The following MAGI1 variants were observed in gnomAD, a reference collection of about 807,000 sequenced individuals.
The protein encoded by MAGI1 is membrane-associated guanylate kinase, WW and PDZ domain-containing protein 1.
A neutral mutation model predicts 139.9 loss-of-function variants in MAGI1; 58 were observed. That is an observed-to-expected ratio of 0.41 (90% CI 0.34 to 0.52). The LOEUF (loss-of-function observed/expected upper bound fraction) is 0.52. Ranked by LOEUF, MAGI1 falls within the 20% of genes least tolerant of loss-of-function variation. The pLI is 0.12. For missense variants in MAGI1, 1,874 were observed against 1,901.6 expected, an observed-to-expected ratio of 0.99 and a Z score of 0.27; for synonymous variants, 812 against 737.9, an observed-to-expected ratio of 1.10 and a Z score of -1.63.
At chr3:65,726,177 A>G (rs1353521456) in intron 1 of MAGI1, among the ~76,000 whole-genome samples, 1 of 152,222 alleles carries the variant, frequency 6.6e-6, no homozygotes, top group Non-Finnish European at 1.5e-5. Context: ...CAGTCTTGTC[A>G]TTGATTAGAT....
chr3:65,816,332 C>T lies in MAGI1; in HGVS notation c.314-194244G>A, dbSNP rs529381341. ...AAAAATTTCCATAATCTGCACTGTC[C>T]AATGTGGTCGCCAATGGCAACAATG... is the stretch of plus-strand genomic sequence containing the variant. On this transcript the variant is annotated intron_variant, in intron 1 of 22. Coordinates refer to ENST00000402939, the MANE Select transcript of MAGI1 (RefSeq NM_001033057.2). 1.2e-3 allele frequency among the ~76,000 whole-genome samples: 178 copies of T among 152,082 alleles called. 1 individual carries two copies. The highest frequency in any genetic ancestry group is 4.6e-3 in the South Asian group (22 of 4,806).
intron 1 of MAGI1, among the ~76,000 whole-genome samples, chr3:66,035,044 T>C (rs932620665): frequency 2.6e-5 from 4 of 152,222 alleles, no homozygotes; most frequent in African/African-American, 4.8e-5. Flanking sequence ...CATTTTACTA[T>C]AGGTAAATGA....
At chr3:65,439,857 A>C (rs934200371) in intron 9 of MAGI1, 22 bp downstream of exon 9, 8 of 1,608,738 alleles carry the variant, frequency 5.0e-6, no homozygotes, top group African/African-American at 1.3e-5. Context: ...ATCAAGAAAA[A>C]GCCTAGAGGA....
chr3:65,500,446 T>C (rs974098210), intron 2 of MAGI1, among the ~76,000 whole-genome samples: 2 of 152,220 alleles, frequency 1.3e-5, no homozygotes, highest in African/African-American at 4.8e-5. Flanking sequence ...TTATGGTTCA[T>C]AAACTTGCAG....
intron 1 of MAGI1, among the ~76,000 whole-genome samples, chr3:66,031,436 G>C (rs147918011): frequency 3.0e-4 from 46 of 152,244 alleles, no homozygotes; most frequent in African/African-American, 1.0e-3. Flanking sequence ...AACCAGCTGG[G>C]TAATGAATGC....
At position 65,762,368 on chromosome 3, in the gene MAGI1, T is replaced by C. The variant is rs894338640; in HGVS notation, c.314-140280A>G. Among the ~76,000 whole-genome samples the C allele has an allele frequency of 4.6e-5, 7 of 152,164 alleles. No homozygotes were observed. In the East Asian group the frequency reaches 1.2e-3, roughly 25 times the overall value. ...TGTAGCAGAGGCGACTTGCAAGGCA[T>C]TAATTCATTCTCCGAACACCAGCCT... On this transcript the variant is annotated intron_variant, in intron 1 of 22. Transcript: ENST00000402939.
At chr3:65,468,652 C>T (rs148051899) in intron 5 of MAGI1, among the ~76,000 whole-genome samples, 1 of 152,182 alleles carries the variant, frequency 6.6e-6, no homozygotes, top group East Asian at 1.9e-4. Flanking sequence ...GCTGAGATTA[C>T]AGGCGTGAGC....
At chr3:65,478,258 C>CA (rs889108732) in intron 4 of MAGI1, among the ~76,000 whole-genome samples, 56 of 151,568 alleles carry the variant, frequency 3.7e-4, no homozygotes, top group Non-Finnish European at 6.0e-4. Flanking sequence ...TTACCCCCCC[C>CA]AAAAAAAATC....
At chr3:65,897,245 A>G (rs1460338427) in intron 1 of MAGI1, among the ~76,000 whole-genome samples, 3 of 152,174 alleles carry the variant, frequency 2.0e-5, no homozygotes, top group Non-Finnish European at 2.9e-5. Flanking sequence ...AACATGTACC[A>G]CACTCTTTTG....
At chr3:65,579,416 G>A (rs1342873449) in intron 2 of MAGI1, among the ~76,000 whole-genome samples, 2 of 152,138 alleles carry the variant, frequency 1.3e-5, no homozygotes, top group Admixed American at 1.3e-4. Context: ...CATGCCCTAT[G>A]ACTACCAGAT....
At chr3:65,481,461 A>T (rs1471395172) in intron 3 of MAGI1, among the ~76,000 whole-genome samples, 2 of 152,256 alleles carry the variant, frequency 1.3e-5, no homozygotes, top group African/African-American at 4.8e-5. Context: ...TTTTAAAAAT[A>T]ATCTGCATAG....
At chr3:65,414,261 G>A (rs76799214) in intron 12 of MAGI1, among the ~76,000 whole-genome samples, 10,865 of 152,262 alleles carry the variant, frequency 0.071, 466 homozygotes, top group South Asian at 0.12. Flanking sequence ...CACTAAAGGT[G>A]CTCGGTTCAC....
At chr3:65,958,625 C>A (rs956409485) in intron 1 of MAGI1, among the ~76,000 whole-genome samples, 1 of 152,184 alleles carries the variant, frequency 6.6e-6, no homozygotes, top group African/African-American at 2.4e-5. Context: ...CAGAAGACAA[C>A]AGAGTTCCGG....
intron 1 of MAGI1, among the ~76,000 whole-genome samples, chr3:65,935,847 A>G (rs2106782425): frequency 6.6e-6 from 1 of 152,336 alleles, no homozygotes; most frequent in South Asian, 2.1e-4. Context: ...ATTGTGGAAA[A>G]GACACCAAGG....
chr3:65,882,185 C>G (rs1310518100), intron 1 of MAGI1, among the ~76,000 whole-genome samples: 2 of 152,170 alleles, frequency 1.3e-5, no homozygotes, highest in African/African-American at 4.8e-5. Context: ...GGGAAACACC[C>G]TTTGTGAGGC....
At chr3:65,432,420 T>C (rs1338263706) in intron 10 of MAGI1, among the ~76,000 whole-genome samples, 1 of 152,194 alleles carries the variant, frequency 6.6e-6, no homozygotes, top group Non-Finnish European at 1.5e-5. Context: ...TGGTTAGTTA[T>C]ATCTAAAAGA....
intron 5 of MAGI1, among the ~76,000 whole-genome samples, chr3:65,468,545 T>G (rs983074336): frequency 2.0e-5 from 3 of 151,840 alleles, no homozygotes; most frequent in Non-Finnish European, 4.4e-5. Context: ...CTGGCTAATT[T>G]TTGTATTTTT....
At chr3:65,407,446 CAA>C (rs200345922) in intron 12 of MAGI1, among the ~76,000 whole-genome samples, 78 of 97,940 alleles carry the variant, frequency 8.0e-4, no homozygotes, top group Non-Finnish European at 8.8e-4. Context: ...GACTCCGTCT[CAA>C]AAAAAAAAAA....
rs746044469 is a variant in MAGI1, at chr3:65,415,689, AAC to A, written c.2167+13829_2167+13830del. On this transcript the variant is annotated intron_variant, in intron 12 of 22. Transcript: ENST00000402939. ...ATTTCATTTGTACCTAAACAAACAG[AAC>A]ACAGAGTTTCTAAGAAGCAAAACCA... Among the ~76,000 whole-genome samples, 3 of 152,348 alleles carry A rather than the reference AAC, an allele frequency of 2.0e-5. 1 individual carries two copies. Among genetic ancestry groups the A allele is most frequent in the East Asian group, 1.9e-4 (1 of 5,188 alleles).
Sources: allele counts gnomAD v4.1 joint callset (sites outside exome capture counted in the v4.1 genomes callset), GRCh38; gene constraint gnomAD v4.1.1; transcripts MANE v1.5; gene names NCBI Gene and HGNC (gene_info 2026-07-23, HGNC 2026-07-21).